TRIQK: variants seen among roughly 807,000 people sequenced by gnomAD.
The protein encoded by TRIQK is triple QxxK/R motif-containing protein.
Under a neutral mutation model 10.8 loss-of-function variants are expected in TRIQK, and 10 were observed. That is an observed-to-expected ratio of 0.92 (90% confidence interval 0.57 to 1.57). The LOEUF (loss-of-function observed/expected upper bound fraction) is 1.57, where lower values mean the gene tolerates loss of function less well. TRIQK is among the 40% of genes most tolerant of loss of function. The pLI is 0.00. For synonymous variants in TRIQK, 33 were observed against 33.7 expected (o/e 0.98, Z 0.07); for missense variants, 107 against 97.7 (o/e 1.09, Z -0.40).
At chr8:92,924,586 G>A (rs1174923299) in intron 2 of TRIQK, among the ~76,000 whole-genome samples, 2 of 151,718 alleles carry the variant, frequency 1.3e-5, no homozygotes, top group African/African-American at 4.8e-5. Context: ...TTGCCTAACA[G>A]GCATCATTCA....
chr8:92,965,914 G>A (rs1812727591), intron 1 of TRIQK, 93 bp downstream of exon 1: 1 of 152,486 alleles, frequency 6.6e-6, no homozygotes, highest in Non-Finnish European at 1.5e-5. Flanking sequence ...AACGCTTTAG[G>A]GCTCGCTAAA....
At chr8:93,001,430 GC>G (rs201053027) in intron 1 of TRIQK, among the ~76,000 whole-genome samples, 28,763 of 151,962 alleles carry the variant, frequency 0.19, 3,219 homozygotes, top group Non-Finnish European at 0.25. Context: ...TGAAAATGAA[GC>G]TGTTGAAAAA....
At chr8:92,988,510 C>T (rs774766716) in intron 1 of TRIQK, among the ~76,000 whole-genome samples, 17 of 152,116 alleles carry the variant, frequency 1.1e-4, no homozygotes, top group East Asian at 3.8e-4. Flanking sequence ...TTTCTACTCT[C>T]GTGCTAGAAA....
At chr8:92,893,455 T>C (rs1383321100) in intron 3 of TRIQK, among the ~76,000 whole-genome samples, 1 of 151,992 alleles carries the variant, frequency 6.6e-6, no homozygotes, top group African/African-American at 2.4e-5. Flanking sequence ...TAAATATTAT[T>C]TGATGATGGG....
intron 2 of TRIQK, among the ~76,000 whole-genome samples, chr8:92,938,947 C>T (rs1177615920): frequency 6.6e-6 from 1 of 152,092 alleles, no homozygotes; most frequent in Non-Finnish European, 1.5e-5. Flanking sequence ...GGTAGTTCCA[C>T]CAAATCTATC....
chr8:92,886,863 TC>T (rs1293927776), intron 4 of TRIQK, 128 bp from the exon 5 acceptor site: 1 of 567,692 alleles, frequency 1.8e-6, no homozygotes, highest in Non-Finnish European at 3.0e-6. Flanking sequence ...AATAATCATA[TC>T]CTTTTTGTTT....
intron 3 of TRIQK, among the ~76,000 whole-genome samples, chr8:92,910,701 A>G (rs1479659659): frequency 6.6e-6 from 1 of 151,202 alleles, no homozygotes; most frequent in Non-Finnish European, 1.5e-5. Context: ...AACAAAAAGA[A>G]GTCTAAACAG....
intron 2 of TRIQK, chr8:92,953,642 C>T (rs980672220): frequency 6.6e-6 from 1 of 151,846 alleles, no homozygotes; most frequent in Non-Finnish European, 1.5e-5. Context: ...ATGCCTGGCA[C>T]GTTCAGAGAA....
intron 2 of TRIQK, among the ~76,000 whole-genome samples, chr8:92,934,744 T>C (rs2130572526): frequency 6.6e-6 from 1 of 152,058 alleles, no homozygotes; most frequent in African/African-American, 2.4e-5. Context: ...TATTATAACA[T>C]GTATTTATCA....
At position 92,884,729 on chromosome 8, in the gene TRIQK, C is replaced by T; in HGVS notation, c.*1893G>A. The T allele has an allele frequency of 2.4e-6, 1 of 411,952 alleles. No homozygotes were observed. The highest frequency in any genetic ancestry group is 1.8e-5 in the South Asian group (1 of 56,516). 25.5% of individuals were successfully genotyped at this position (411,952 alleles called of 1,614,324 possible). On this transcript the variant is annotated 3_prime_UTR_variant, in exon 5 of 5. Coordinates refer to ENST00000521988, the MANE Select transcript of TRIQK (RefSeq NM_001171797.2). ...ATCTAATAAGCAATTATTACATATC[C>T]TCTCATTTAAATTACCACTGAAAAC... is the stretch of plus-strand genomic sequence containing the variant.
At chr8:92,957,349 G>A (rs1452950648) in intron 1 of TRIQK, among the ~76,000 whole-genome samples, 1 of 151,366 alleles carries the variant, frequency 6.6e-6, no homozygotes, top group Non-Finnish European at 1.5e-5. Flanking sequence ...TACACATACA[G>A]ATACACATAT....
upstream of TRIQK, chr8:92,966,277 TC>T (rs1812748142): frequency 6.6e-6 from 1 of 152,218 alleles, no homozygotes; most frequent in African/African-American, 2.4e-5. Context: ...TTGATGCCAC[TC>T]CGGAGTTCTA....
intron 1 of TRIQK, among the ~76,000 whole-genome samples, chr8:93,000,111 A>T (rs928731995): frequency 4.6e-5 from 7 of 152,228 alleles, no homozygotes; most frequent in Non-Finnish European, 8.8e-5. Context: ...CAAAATTTGC[A>T]TCAAAATATG....
intron 3 of TRIQK, among the ~76,000 whole-genome samples, chr8:92,903,261 T>C (rs1199425169): frequency 6.6e-6 from 1 of 152,130 alleles, no homozygotes; most frequent in East Asian, 1.9e-4. Flanking sequence ...ATTGTTTATA[T>C]CATTTGACTT....
At chr8:92,977,209 G>A (rs1296132298) in intron 1 of TRIQK, among the ~76,000 whole-genome samples, 1 of 151,904 alleles carries the variant, frequency 6.6e-6, no homozygotes, top group East Asian at 1.9e-4. Flanking sequence ...GTCTAAATAA[G>A]TCTTTATGTT....
intron 1 of TRIQK, among the ~76,000 whole-genome samples, chr8:93,015,167 A>G (rs1439751236): frequency 1.3e-5 from 2 of 151,600 alleles, no homozygotes; most frequent in Admixed American, 1.3e-4. Context: ...ACTAATATAT[A>G]AAGATAGTTT....
chr8:92,988,368 C>A (rs999272739), intron 1 of TRIQK, among the ~76,000 whole-genome samples: 1 of 151,728 alleles, frequency 6.6e-6, no homozygotes. Context: ...TATTTATTGT[C>A]GAAAAAGGAT....
intron 1 of TRIQK, among the ~76,000 whole-genome samples, chr8:93,001,305 C>CAAA (rs1229891736): frequency 1.3e-5 from 1 of 78,840 alleles, no homozygotes; most frequent in African/African-American, 4.7e-5. Flanking sequence ...GACTCCATCT[C>CAAA]AAAAAAAAAA....
intron 1 of TRIQK, among the ~76,000 whole-genome samples, chr8:92,977,705 G>A (rs911588823): frequency 4.7e-4 from 71 of 151,766 alleles, no homozygotes; most frequent in African/African-American, 1.6e-3. Context: ...TTCACACCTG[G>A]GCATTTTTTT....
Sources: allele counts gnomAD v4.1 joint callset (sites outside exome capture counted in the v4.1 genomes callset), GRCh38; gene constraint gnomAD v4.1.1; transcripts MANE v1.5; gene names NCBI Gene and HGNC (gene_info 2026-07-23, HGNC 2026-07-21).